Variants in C8orf34 observed in about 807,000 individuals in gnomAD.
C8orf34 encodes the protein uncharacterized protein C8orf34.
A neutral mutation model predicts 68.3 loss-of-function variants in C8orf34; 65 were observed. That is an observed-to-expected ratio of 0.95 (90% CI 0.78 to 1.17). The LOEUF (loss-of-function observed/expected upper bound fraction) is 1.17. C8orf34 is among the 50% of genes most tolerant of loss of function. The pLI is 0.00. For missense variants in C8orf34, 664 were observed against 655.4 expected (o/e 1.01, Z -0.14); for synonymous variants, 244 against 241.2 (o/e 1.01, Z -0.11).
intron 1 of C8orf34, among the ~76,000 whole-genome samples, chr8:68,436,644 G>A (rs1273066774): frequency 7.2e-5 from 11 of 152,112 alleles, no homozygotes; most frequent in Admixed American, 4.6e-4. Flanking sequence ...TGTCTCCCTG[G>A]AAGTGCCGTT....
At chr8:68,691,252 T>C (rs1820677139) in intron 8 of C8orf34, among the ~76,000 whole-genome samples, 1 of 152,062 alleles carries the variant, frequency 6.6e-6, no homozygotes. Flanking sequence ...GTCTGTGCCA[T>C]TTTTCCAACA....
chr8:68,471,456 G>T (rs961790478), intron 4 of C8orf34, among the ~76,000 whole-genome samples: 3 of 152,104 alleles, frequency 2.0e-5, no homozygotes, highest in Non-Finnish European at 4.4e-5. Flanking sequence ...GCTGATGATT[G>T]TTTATCAGTC....
intron 1 of C8orf34, among the ~76,000 whole-genome samples, chr8:68,433,320 T>A (rs534479158): frequency 6.6e-6 from 1 of 152,274 alleles, no homozygotes; most frequent in African/African-American, 2.4e-5. Context: ...CTATTAATAT[T>A]TGAGATAATT....
chr8:68,410,217 G>C (rs925380322), intron 1 of C8orf34, among the ~76,000 whole-genome samples: 1 of 152,142 alleles, frequency 6.6e-6, no homozygotes. Context: ...GACTGGGAAA[G>C]CTGGGTGAGT....
intron 2 of C8orf34, among the ~76,000 whole-genome samples, chr8:68,441,932 G>A (rs1810926697): frequency 6.6e-6 from 1 of 152,128 alleles, no homozygotes. Flanking sequence ...ATTTCTTGTG[G>A]CACACTTTAG....
chr8:68,424,714 C>T (rs1383101530), intron 1 of C8orf34, among the ~76,000 whole-genome samples: 2 of 152,094 alleles, frequency 1.3e-5, no homozygotes, highest in African/African-American at 4.8e-5. Context: ...TCCTGGCTAA[C>T]ACGGTGTAAC....
intron 1 of C8orf34, among the ~76,000 whole-genome samples, chr8:68,400,026 C>T (rs1256082709): frequency 1.3e-5 from 2 of 151,878 alleles, no homozygotes; most frequent in Non-Finnish European, 2.9e-5. Flanking sequence ...TTTGTTGTTG[C>T]GGTTGAGTTG....
chr8:68,401,202 C>T (rs906375658), intron 1 of C8orf34, among the ~76,000 whole-genome samples: 11 of 151,492 alleles, frequency 7.3e-5, no homozygotes, highest in Non-Finnish European at 1.2e-4. Context: ...ATAGGAACAC[C>T]ACTAATTTGT....
chr8:68,353,609 T>C lies in C8orf34; in HGVS notation c.327+22270T>C, dbSNP rs567998264. On this transcript the variant is annotated intron_variant, in intron 1 of 13. Coordinates refer to ENST00000518698, the MANE Select transcript of C8orf34 (RefSeq NM_052958.4). Reference sequence around the variant, plus strand: ...GTTGATGTATATATATACACACACATATATATATACAGTTGATTATATATA... The same window carrying C: ...GTTGATGTATATATATACACACACACATATATATACAGTTGATTATATATA... Among the ~76,000 whole-genome samples the C allele has an allele frequency of 2.3e-4, 33 of 143,524 alleles. No homozygotes were observed. The East Asian group carries it at 5.9e-3, about 25-fold the overall frequency. The allele number at this position is 143,524 out of a possible 152,430, so 94.2% of individuals were successfully genotyped here. A position where few individuals can be genotyped will look rare whatever the true frequency, so the allele number is the denominator to read the frequency against.
intron 6 of C8orf34, among the ~76,000 whole-genome samples, chr8:68,530,972 A>T (rs1301114256): frequency 6.6e-6 from 1 of 152,126 alleles, no homozygotes; most frequent in Non-Finnish European, 1.5e-5. Context: ...AGTAATATCA[A>T]GATCCACATA....
At chr8:68,340,607 C>A (rs1806029998) in intron 1 of C8orf34, among the ~76,000 whole-genome samples, 1 of 152,190 alleles carries the variant, frequency 6.6e-6, no homozygotes, top group East Asian at 1.9e-4. Context: ...TTTGAAAATA[C>A]AAATTGGACA....
chr8:68,586,423 C>A (rs1228940558), intron 7 of C8orf34, among the ~76,000 whole-genome samples: 1 of 152,142 alleles, frequency 6.6e-6, no homozygotes, highest in Non-Finnish European at 1.5e-5. Context: ...TATCTTTAAT[C>A]TGTAGCTTCT....
intron 12 of C8orf34, chr8:68,791,212 C>A (rs1823985315): frequency 2.6e-6 from 1 of 378,494 alleles, no homozygotes; most frequent in African/African-American, 2.1e-5. Flanking sequence ...AGGAAACTTA[C>A]AGTCATGGCA....
intron 8 of C8orf34, among the ~76,000 whole-genome samples, chr8:68,675,650 CAT>C (rs1820164219): frequency 6.7e-6 from 1 of 149,066 alleles, no homozygotes; most frequent in Non-Finnish European, 1.5e-5. Flanking sequence ...AAAAGGAAGA[CAT>C]ATAGGAATGA....
intron 7 of C8orf34, among the ~76,000 whole-genome samples, chr8:68,628,967 A>C (rs1207901582): frequency 6.6e-6 from 1 of 152,184 alleles, no homozygotes; most frequent in Non-Finnish European, 1.5e-5. Context: ...CATTTTCCTC[A>C]ATACAACACA....
At chr8:68,660,262 G>C (rs752214253) in intron 8 of C8orf34, among the ~76,000 whole-genome samples, 3 of 152,126 alleles carry the variant, frequency 2.0e-5, no homozygotes, top group Non-Finnish European at 4.4e-5. Flanking sequence ...AGAAAGAGGG[G>C]AACAAGCTGT....
chr8:68,800,883 G>A (rs1824309350), intron 12 of C8orf34, among the ~76,000 whole-genome samples: 1 of 152,026 alleles, frequency 6.6e-6, no homozygotes, highest in Admixed American at 6.6e-5. Flanking sequence ...CTTCAGTGTT[G>A]GTGTTCTGAA....
At chr8:68,512,315 C>T (rs1455841861) in intron 5 of C8orf34, among the ~76,000 whole-genome samples, 2 of 151,954 alleles carry the variant, frequency 1.3e-5, no homozygotes, top group East Asian at 1.9e-4. Context: ...AAAAATATAA[C>T]CTAAAGAAGA....
chr8:68,717,888 C>T (rs942848277), intron 9 of C8orf34, among the ~76,000 whole-genome samples: 3 of 152,228 alleles, frequency 2.0e-5, no homozygotes, highest in Non-Finnish European at 2.9e-5. Context: ...TTCTTATGAT[C>T]GACCTTTAAC....
Sources: gnomAD v4.1 joint callset for allele counts (sites outside exome capture counted in the v4.1 genomes callset) on GRCh38, gnomAD v4.1.1 for gene constraint, MANE v1.5 for transcripts, NCBI Gene and HGNC (gene_info 2026-07-23, HGNC 2026-07-21) for gene names.